Variants in SLC44A5 observed in about 807,000 individuals in gnomAD.
SLC44A5 encodes the protein choline transporter-like protein 5.
Under a neutral mutation model 101.8 loss-of-function variants are expected in SLC44A5, and 57 were observed. The ratio of observed to expected loss-of-function variants is 0.56; its 90% CI spans 0.45 to 0.70. SLC44A5 has a LOEUF of 0.70. SLC44A5 is among the 30% of genes least tolerant of loss of function. The pLI, the probability that SLC44A5 is intolerant of heterozygous loss-of-function variation, is 0.00. For missense variants in SLC44A5, 737 were observed against 853.1 expected, an observed-to-expected ratio of 0.86 and a Z score of 1.70; for synonymous variants, 281 against 290.9, an observed-to-expected ratio of 0.97 and a Z score of 0.35.
At chr1:75,327,820 T>A (rs556181990) in intron 4 of SLC44A5, among the ~76,000 whole-genome samples, 27 of 152,358 alleles carry the variant, frequency 1.8e-4, no homozygotes, top group Non-Finnish European at 3.4e-4. Flanking sequence ...GTCATTACAT[T>A]AAGAAAGGCA....
chr1:75,682,283 G>A, the SLC44A5 span, among the ~76,000 whole-genome samples: 35 of 152,098 alleles, frequency 2.3e-4, no homozygotes, highest in African/African-American at 8.2e-4. Flanking sequence ...CCAAAAAAGA[G>A]CCCGCATTGC....
At chr1:75,697,538 G>C in the SLC44A5 span, among the ~76,000 whole-genome samples, 5 of 152,288 alleles carry the variant, frequency 3.3e-5, no homozygotes, top group African/African-American at 1.2e-4. Context: ...TGTAATCCTA[G>C]CACTTTGGGA....
intron 3 of SLC44A5, among the ~76,000 whole-genome samples, chr1:75,349,744 T>G (rs1385822909): frequency 6.6e-6 from 1 of 152,040 alleles, no homozygotes; most frequent in Non-Finnish European, 1.5e-5. Context: ...TTAAATAAAA[T>G]GAGAAAATTA....
At chr1:75,668,075 C>T in the SLC44A5 span, among the ~76,000 whole-genome samples, 169 of 152,220 alleles carry the variant, frequency 1.1e-3, 4 homozygotes, top group East Asian at 0.029. Flanking sequence ...AACTTTAAAT[C>T]CTCTAAGAGT....
the SLC44A5 span, among the ~76,000 whole-genome samples, chr1:75,697,394 G>T: frequency 1.3e-5 from 2 of 152,218 alleles, no homozygotes; most frequent in African/African-American, 4.8e-5. Context: ...GAAGAGTTCA[G>T]TAATTTGTTT....
chr1:75,604,756 G>GGTGTGTGTGTGTGT (rs141120401), intron 1 of SLC44A5, among the ~76,000 whole-genome samples: 2 of 86,158 alleles, frequency 2.3e-5, no homozygotes, highest in African/African-American at 6.9e-5. Flanking sequence ...GAAACCAAGG[G>GGTGTGTGTGTGTGT]GTGTGTGTGT....
chr1:75,443,306 A>C (rs1201245720), intron 2 of SLC44A5, among the ~76,000 whole-genome samples: 1 of 152,048 alleles, frequency 6.6e-6, no homozygotes, highest in Non-Finnish European at 1.5e-5. Flanking sequence ...ATTAAAAATA[A>C]GCAAAGCAGA....
intron 2 of SLC44A5, among the ~76,000 whole-genome samples, chr1:75,497,781 A>G (rs1668753932): frequency 6.6e-6 from 1 of 152,188 alleles, no homozygotes; most frequent in Non-Finnish European, 1.5e-5. Flanking sequence ...AATTTAAAAA[A>G]TGTTTAATTC....
chr1:75,301,532 C>T (rs187400449), intron 4 of SLC44A5, among the ~76,000 whole-genome samples: 1 of 152,240 alleles, frequency 6.6e-6, no homozygotes. Context: ...TTAAAAGTTG[C>T]ACATGAGAAT....
At chr1:75,642,326 G>C in the SLC44A5 span, among the ~76,000 whole-genome samples, 1 of 151,958 alleles carries the variant, frequency 6.6e-6, no homozygotes, top group East Asian at 1.9e-4. Context: ...AAAATACAAA[G>C]ACAGTGAGGC....
intron 3 of SLC44A5, 64 bp from the exon 4 acceptor site, chr1:75,339,694 A>T (rs1657722852): frequency 7.1e-7 from 1 of 1,407,348 alleles, no homozygotes; most frequent in Non-Finnish European, 9.9e-7. Flanking sequence ...TAAAATATTA[A>T]TGAAGAAATA....
intron 1 of SLC44A5, among the ~76,000 whole-genome samples, chr1:75,598,907 A>G (rs185976129): frequency 6.6e-6 from 1 of 152,304 alleles, no homozygotes; most frequent in East Asian, 1.9e-4. Context: ...AAACCTGCAC[A>G]TGTACCCCAA....
chr1:75,537,037 T>TGCCAA (rs1671091585), intron 2 of SLC44A5, among the ~76,000 whole-genome samples: 1 of 60,104 alleles, frequency 1.7e-5, no homozygotes, highest in Non-Finnish European at 3.7e-5. Context: ...AAAAAAAATA[T>TGCCAA]ATATCTATGC....
At chr1:75,706,425 C>T in the SLC44A5 span, among the ~76,000 whole-genome samples, 159 of 152,146 alleles carry the variant, frequency 1.0e-3, 1 homozygote, top group African/African-American at 3.5e-3. Context: ...TCTCTATTTA[C>T]TCTGCACAGA....
intron 2 of SLC44A5, among the ~76,000 whole-genome samples, chr1:75,465,705 C>A (rs895511909): frequency 1.3e-5 from 2 of 151,986 alleles, no homozygotes; most frequent in African/African-American, 4.8e-5. Context: ...GATATTACAA[C>A]TGATACTGAA....
In SLC44A5 at chr1:75,558,486, G is replaced by C. The variant is rs181576162; in HGVS notation, c.-69-16970C>G. On this transcript the variant is annotated intron_variant, in intron 1 of 23. Transcript: ENST00000370859. ...CTGCTTTTTGTCATCTACATGCATA[G>C]CAAGTACACACCGTTGATTTGCCAT... 3.3e-3 allele frequency among the ~76,000 whole-genome samples: 498 copies of C among 152,172 alleles called. 4 individuals carry two copies. The Middle Eastern group carries it at 0.037, about 11-fold the overall frequency.
the SLC44A5 span, among the ~76,000 whole-genome samples, chr1:75,651,388 C>G: frequency 6.6e-6 from 1 of 152,158 alleles, no homozygotes; most frequent in African/African-American, 2.4e-5. Flanking sequence ...TGTTCTAGGT[C>G]TACTTCTCAC....
chr1:75,678,231 A>T, the SLC44A5 span, among the ~76,000 whole-genome samples: 3 of 152,170 alleles, frequency 2.0e-5, no homozygotes, highest in Non-Finnish European at 4.4e-5. Flanking sequence ...ACAAAGCAGC[A>T]GGGAAGCTCG....
intron 6 of SLC44A5, among the ~76,000 whole-genome samples, chr1:75,271,570 G>T (rs1408686979): frequency 1.3e-5 from 2 of 150,976 alleles, no homozygotes; most frequent in Non-Finnish European, 2.9e-5. Context: ...CACAGTATTT[G>T]GCTTTCTATT....
Sources: gnomAD v4.1 joint callset for allele counts (sites outside exome capture counted in the v4.1 genomes callset) on GRCh38, gnomAD v4.1.1 for gene constraint, MANE v1.5 for transcripts, NCBI Gene and HGNC (gene_info 2026-07-23, HGNC 2026-07-21) for gene names.